Variants in SAMD13 observed in about 807,000 individuals in gnomAD.
SAMD13 encodes the protein sterile alpha motif domain containing 13, also known as sterile alpha motif domain-containing protein 13.
A neutral mutation model predicts 12.4 loss-of-function variants in SAMD13; 9 were observed. That is an observed-to-expected ratio of 0.72 (90% CI 0.44 to 1.26). The LOEUF is 1.26. SAMD13 is among the 50% of genes most tolerant of loss of function. SAMD13 has a pLI of 0.00. For missense variants in SAMD13, 84 were observed against 119.6 expected (o/e 0.70, Z 1.39); for synonymous variants, 46 against 45.4 (o/e 1.01, Z -0.05).
chr1:84,350,504 A>T lies in SAMD13; in HGVS notation c.*730A>T, dbSNP rs1474543760. On this transcript the variant is annotated 3_prime_UTR_variant, in exon 4 of 4. Transcript: ENST00000394834. ...TGTTTCTGAAGAAAGAATTTTTTTTAACTTCATGGTTTTATTTATAATAAT... is the reference window on the plus strand; with the variant it reads ...TGTTTCTGAAGAAAGAATTTTTTTTTACTTCATGGTTTTATTTATAATAAT... 1.3e-5 allele frequency: 2 copies of T among 152,594 alleles called. No homozygotes were observed. The highest frequency in any genetic ancestry group is 2.9e-5 in the Non-Finnish European group (2 of 68,022). 9.5% of individuals were successfully genotyped at this position (152,594 alleles called of 1,614,324 possible). A position where few individuals can be genotyped will look rare whatever the true frequency, so the allele number is the denominator to read the frequency against.
chr1:84,344,950 A>G (rs893368024), intron 3 of SAMD13: 5 of 456,638 alleles, frequency 1.1e-5, no homozygotes, highest in Non-Finnish European at 2.2e-5. Flanking sequence ...AGGAGGAACT[A>G]TGCATTCTCA....
At chr1:84,319,378 C>T (rs1404630905) in intron 2 of SAMD13, among the ~76,000 whole-genome samples, 1 of 152,102 alleles carries the variant, frequency 6.6e-6, no homozygotes, top group East Asian at 1.9e-4. Flanking sequence ...GTAATCCCAG[C>T]ACTTTGGGAG....
At chr1:84,319,703 A>G (rs1223573101) in intron 2 of SAMD13, among the ~76,000 whole-genome samples, 1 of 152,124 alleles carries the variant, frequency 6.6e-6, no homozygotes, top group African/African-American at 2.4e-5. Flanking sequence ...TAGAAAGAGG[A>G]AAAGGAAAGG....
upstream of SAMD13, chr1:84,298,664 C>A (rs921460149): frequency 2.4e-4 from 271 of 1,129,802 alleles, no homozygotes; most frequent in Non-Finnish European, 2.9e-4. Flanking sequence ...ATGAAAACCG[C>A]TCTGCCCTCC....
At chr1:84,317,776 C>G (rs1189725881) in intron 2 of SAMD13, among the ~76,000 whole-genome samples, 2 of 152,052 alleles carry the variant, frequency 1.3e-5, no homozygotes, top group Non-Finnish European at 2.9e-5. Context: ...GGCATTAATT[C>G]TTCCTTAAAT....
chr1:84,300,060 C>T (rs1678420331), upstream of SAMD13, among the ~76,000 whole-genome samples: 1 of 152,070 alleles, frequency 6.6e-6, no homozygotes, highest in African/African-American at 2.4e-5. Context: ...ACCCCAGCTC[C>T]CCAAGACACA....
intron 3 of SAMD13, chr1:84,344,850 G>C (rs752892808): frequency 6.6e-6 from 3 of 456,098 alleles, no homozygotes; most frequent in South Asian, 4.7e-5. Flanking sequence ...GGTCTTGTCT[G>C]ATGCCAGGAA....
intron 2 of SAMD13, among the ~76,000 whole-genome samples, chr1:84,307,785 A>G (rs1046415286): frequency 5.9e-5 from 9 of 152,158 alleles, no homozygotes; most frequent in Non-Finnish European, 1.2e-4. Flanking sequence ...TTACTGTGAT[A>G]AGACCCTTTT....
chr1:84,348,555 G>T (rs555592554), intron 3 of SAMD13, among the ~76,000 whole-genome samples: 2 of 152,270 alleles, frequency 1.3e-5, no homozygotes, highest in East Asian at 3.9e-4. Context: ...ACCAGCTCAG[G>T]TTCTTAAGAG....
intron 2 of SAMD13, among the ~76,000 whole-genome samples, chr1:84,307,637 T>C (rs1678609977): frequency 6.6e-6 from 1 of 152,180 alleles, no homozygotes; most frequent in Admixed American, 6.6e-5. Context: ...CTGGCTGTTT[T>C]TGTATTTCTG....
chr1:84,321,362 A>G (rs1339150702), intron 2 of SAMD13, among the ~76,000 whole-genome samples: 1 of 151,296 alleles, frequency 6.6e-6, no homozygotes, highest in Non-Finnish European at 1.5e-5. Flanking sequence ...AAAGCTATAT[A>G]TAAATATATA....
chr1:84,302,258 T>G (rs188776470), intron 1 of SAMD13, among the ~76,000 whole-genome samples: 3 of 151,898 alleles, frequency 2.0e-5, no homozygotes, highest in African/African-American at 7.2e-5. Flanking sequence ...TGCCGAAGTA[T>G]AAAGTGATTT....
At chr1:84,349,001 G>T (rs1009628843) in intron 3 of SAMD13, among the ~76,000 whole-genome samples, 1 of 152,080 alleles carries the variant, frequency 6.6e-6, no homozygotes, top group Non-Finnish European at 1.5e-5. Context: ...GCAATTGTGA[G>T]GACTCCAGGA....
intron 3 of SAMD13, among the ~76,000 whole-genome samples, chr1:84,342,777 A>G (rs976767600): frequency 6.6e-6 from 1 of 152,246 alleles, no homozygotes; most frequent in Non-Finnish European, 1.5e-5. Context: ...AGGCAATACT[A>G]TTCAGGACAT....
chr1:84,344,034 T>A (rs1364389863), intron 3 of SAMD13, among the ~76,000 whole-genome samples: 1 of 151,938 alleles, frequency 6.6e-6, no homozygotes, highest in Non-Finnish European at 1.5e-5. Flanking sequence ...TGTATTTTCC[T>A]TCATCAGAAA....
intron 3 of SAMD13, among the ~76,000 whole-genome samples, chr1:84,337,029 A>G (rs1679311644): frequency 6.6e-6 from 1 of 152,196 alleles, no homozygotes. Flanking sequence ...GGTCATGCTG[A>G]TGCAAGAAGT....
chr1:84,303,061 G>A (rs1678486472), intron 1 of SAMD13, 142 bp from the exon 2 acceptor site: 3 of 615,880 alleles, frequency 4.9e-6, no homozygotes, highest in East Asian at 3.1e-5. Context: ...CTCTCCAATC[G>A]CCGAGGGAAC....
intron 2 of SAMD13, among the ~76,000 whole-genome samples, chr1:84,312,617 G>T (rs188796314): frequency 6.6e-6 from 1 of 151,956 alleles, no homozygotes; most frequent in African/African-American, 2.4e-5. Context: ...AATCAAACGG[G>T]GGATGTACTA....
chr1:84,303,352 G>A (rs1480926533), intron 2 of SAMD13, 65 bp downstream of exon 2: 4 of 1,366,340 alleles, frequency 2.9e-6, no homozygotes, highest in South Asian at 1.2e-5. Flanking sequence ...TTCTATTTTC[G>A]TACTTCTTGC....
Sources: gnomAD v4.1 joint callset for allele counts (sites outside exome capture counted in the v4.1 genomes callset) on GRCh38, gnomAD v4.1.1 for gene constraint, MANE v1.5 for transcripts, NCBI Gene and HGNC (gene_info 2026-07-23, HGNC 2026-07-21) for gene names.